FOXP1: variants seen among roughly 807,000 people sequenced by gnomAD.
FOXP1 encodes the protein forkhead box protein P1.
FOXP1 carries 15 observed loss-of-function variants against 98.2 expected under a neutral mutation model. That is an observed-to-expected ratio of 0.15 (90% CI 0.10 to 0.24). The LOEUF (loss-of-function observed/expected upper bound fraction) is 0.24, where lower values mean the gene tolerates loss of function less well. FOXP1 is among the 10% of genes least tolerant of loss of function. The pLI, the probability that FOXP1 is intolerant of heterozygous loss-of-function variation, is 1.00. For missense variants in FOXP1, 633 were observed against 848.5 expected (o/e 0.75, Z 3.15); for synonymous variants, 371 against 314.5 (o/e 1.18, Z -1.90).
chr3:71,413,225 C>CA (rs1560450037), intron 3 of FOXP1, among the ~76,000 whole-genome samples: 28 of 65,606 alleles, frequency 4.3e-4, no homozygotes, highest in Non-Finnish European at 6.8e-4. Flanking sequence ...ACACACACAC[C>CA]CCCCCAAATA....
chr3:71,423,339 C>T (rs1415213635), intron 3 of FOXP1, among the ~76,000 whole-genome samples: 1 of 152,202 alleles, frequency 6.6e-6, no homozygotes, highest in African/African-American at 2.4e-5. Flanking sequence ...TCCAGGCTCC[C>T]ACTCCCAAGA....
chr3:71,191,383 C>T (rs1444599502), intron 6 of FOXP1, among the ~76,000 whole-genome samples: 1 of 152,096 alleles, frequency 6.6e-6, no homozygotes, highest in Non-Finnish European at 1.5e-5. Flanking sequence ...ATTAGCTCAC[C>T]GGTCAGGGCT....
intron 2 of FOXP1, among the ~76,000 whole-genome samples, chr3:71,510,437 A>T (rs770996485): frequency 1.3e-5 from 2 of 152,058 alleles, no homozygotes; most frequent in Non-Finnish European, 2.9e-5. Context: ...AGATCCCACC[A>T]CTGCACTCCA....
chr3:71,559,561 G>C (rs1224816113), intron 2 of FOXP1, among the ~76,000 whole-genome samples: 2 of 152,170 alleles, frequency 1.3e-5, no homozygotes, highest in African/African-American at 4.8e-5. Context: ...TACTGGACCA[G>C]GGCTGGGGAT....
At chr3:71,108,490 G>A (rs1263940559) in intron 7 of FOXP1, among the ~76,000 whole-genome samples, 4 of 152,194 alleles carry the variant, frequency 2.6e-5, no homozygotes, top group Non-Finnish European at 4.4e-5. Flanking sequence ...CCTATGCTGG[G>A]CACAGTGGCT....
Position 71,457,435 on chromosome 3 carries a change from C to T in FOXP1, c.-168+35991G>A, listed in dbSNP as rs528974515. 6.7e-4 allele frequency among the ~76,000 whole-genome samples: 102 copies of T among 152,156 alleles called. 2 individuals carry two copies. In the South Asian group the frequency reaches 0.021, roughly 31 times the overall value. ...TCCTCTCTTTCTGCCAGGTACATAC[C>T]TAAAATATCCTCGGTAATCACAAAA... On this transcript the variant is annotated intron_variant, in intron 3 of 20. Coordinates refer to ENST00000649528, the MANE Select transcript of FOXP1 (RefSeq NM_001349338.3).
intron 5 of FOXP1, among the ~76,000 whole-genome samples, chr3:71,207,672 A>G (rs1478365433): frequency 6.6e-6 from 1 of 152,168 alleles, no homozygotes; most frequent in African/African-American, 2.4e-5. Flanking sequence ...TTTACAGCAA[A>G]TGCTAGGAGA....
At chr3:71,187,410 A>G (rs1386692896) in intron 6 of FOXP1, among the ~76,000 whole-genome samples, 3 of 151,986 alleles carry the variant, frequency 2.0e-5, no homozygotes, top group Non-Finnish European at 2.9e-5. Context: ...ACATGGTGAA[A>G]CCCTGTCTCT....
chr3:70,976,898 T>G (rs751962965), intron 17 of FOXP1, 43 bp downstream of exon 17: 3 of 1,384,920 alleles, frequency 2.2e-6, no homozygotes, highest in Non-Finnish European at 1.0e-6. Flanking sequence ...AACTGTTCTA[T>G]GAACGTCAAG....
chr3:71,527,339 C>G (rs1166727160), intron 2 of FOXP1, among the ~76,000 whole-genome samples: 1 of 152,186 alleles, frequency 6.6e-6, no homozygotes, highest in African/African-American at 2.4e-5. Flanking sequence ...AAAATCAAGA[C>G]AGACAGAGCC....
At chr3:71,423,359 C>T (rs566389947) in intron 3 of FOXP1, among the ~76,000 whole-genome samples, 6 of 152,328 alleles carry the variant, frequency 3.9e-5, no homozygotes, top group Admixed American at 6.5e-5. Flanking sequence ...ACCAACCCAG[C>T]CACTCAGAAC....
chr3:71,498,261 T>A (rs886676658), intron 2 of FOXP1, among the ~76,000 whole-genome samples: 3 of 152,234 alleles, frequency 2.0e-5, no homozygotes, highest in African/African-American at 7.2e-5. Context: ...TGATGTTTTC[T>A]TGTTTTGTTC....
intron 6 of FOXP1, among the ~76,000 whole-genome samples, chr3:71,114,823 G>C (rs1292253347): frequency 6.6e-6 from 1 of 152,200 alleles, no homozygotes; most frequent in Non-Finnish European, 1.5e-5. Flanking sequence ...CTGTCTCAGG[G>C]AGGATTCACC....
chr3:71,203,892 T>C (rs763699523), intron 5 of FOXP1, among the ~76,000 whole-genome samples: 3 of 138,060 alleles, frequency 2.2e-5, no homozygotes, highest in African/African-American at 5.5e-5. Flanking sequence ...AAAAGGAAGA[T>C]GGCATGCAAT....
chr3:71,419,652 G>A (rs1334987134), intron 3 of FOXP1, among the ~76,000 whole-genome samples: 1 of 152,142 alleles, frequency 6.6e-6, no homozygotes, highest in East Asian at 1.9e-4. Context: ...AACTGATTTG[G>A]AGGTTTCTAG....
chr3:71,552,216 G>A (rs1337309626), intron 2 of FOXP1, among the ~76,000 whole-genome samples: 2 of 152,052 alleles, frequency 1.3e-5, no homozygotes, highest in Admixed American at 1.3e-4. Flanking sequence ...AAAAGGTGCT[G>A]ATATTGCTAC....
chr3:71,328,974 T>TAAAAAAA (rs869252301), intron 4 of FOXP1, among the ~76,000 whole-genome samples: 1,567 of 31,138 alleles, frequency 0.05, 195 homozygotes, highest in Admixed American at 0.065. Context: ...TCCATCTCGC[T>TAAAAAAA]AAAAAAAAAA....
intron 2 of FOXP1, among the ~76,000 whole-genome samples, chr3:71,496,964 G>A (rs553467793): frequency 1.0e-4 from 15 of 150,546 alleles, no homozygotes; most frequent in Admixed American, 5.3e-4. Context: ...GTGTGGAAGT[G>A]TGTGTGTGTG....
At chr3:71,195,592 CCT>C (rs2063247240) in intron 6 of FOXP1, among the ~76,000 whole-genome samples, 1 of 152,180 alleles carries the variant, frequency 6.6e-6, no homozygotes, top group African/African-American at 2.4e-5. Flanking sequence ...AGCTGTAACC[CCT>C]GTTGTCTTTG....
Sources: gnomAD v4.1 joint callset for allele counts (sites outside exome capture counted in the v4.1 genomes callset) on GRCh38, gnomAD v4.1.1 for gene constraint, MANE v1.5 for transcripts, NCBI Gene and HGNC (gene_info 2026-07-23, HGNC 2026-07-21) for gene names.